Variants in GABRG3 observed in about 807,000 individuals in gnomAD.
GABRG3 encodes the protein gamma-aminobutyric acid receptor subunit gamma-3.
Under a neutral mutation model 48.8 loss-of-function variants are expected in GABRG3, and 25 were observed. That is an observed-to-expected ratio of 0.51 (90% CI 0.37 to 0.72). The LOEUF (loss-of-function observed/expected upper bound fraction) is 0.72. Among genes scored for constraint, GABRG3 ranks in the 30% least tolerant of loss-of-function variants. GABRG3 has a pLI of 0.00. For missense variants in GABRG3, 394 were observed against 577.9 expected, an observed-to-expected ratio of 0.68 and a Z score of 3.26; for synonymous variants, 227 against 217.6, an observed-to-expected ratio of 1.04 and a Z score of -0.38.
chr15:27,064,569 C>G (rs1250390754), intron 3 of GABRG3, among the ~76,000 whole-genome samples: 1 of 152,160 alleles, frequency 6.6e-6, no homozygotes, highest in African/African-American at 2.4e-5. Flanking sequence ...TTGCTGTCCT[C>G]TAGCCCCTGT....
chr15:27,115,694 A>T (rs185823226), intron 3 of GABRG3, among the ~76,000 whole-genome samples: 124 of 152,322 alleles, frequency 8.1e-4, no homozygotes, highest in African/African-American at 2.9e-3. Flanking sequence ...CATACCTTTG[A>T]ACTTCATATT....
At chr15:27,405,665 T>C (rs1887608458) in intron 5 of GABRG3, among the ~76,000 whole-genome samples, 2 of 151,134 alleles carry the variant, frequency 1.3e-5, no homozygotes, top group East Asian at 1.9e-4. Flanking sequence ...CGTTCATCTG[T>C]AGGTGAATTG....
intron 3 of GABRG3, among the ~76,000 whole-genome samples, chr15:27,312,208 A>T (rs1485958750): frequency 6.6e-6 from 1 of 152,148 alleles, no homozygotes; most frequent in Non-Finnish European, 1.5e-5. Flanking sequence ...GAAGCAGAAG[A>T]TAGAAACAGT....
intron 6 of GABRG3, among the ~76,000 whole-genome samples, chr15:27,489,509 CCTATTTCTCCACATCCT>C (rs1488676919): frequency 6.6e-6 from 1 of 152,172 alleles, no homozygotes; most frequent in African/African-American, 2.4e-5. Context: ...TAAAAGCTTT[CCTATTTCTCCACATCCT>C]CTCCAGCATC....
At chr15:27,168,494 C>T (rs373151010) in intron 3 of GABRG3, among the ~76,000 whole-genome samples, 1 of 152,108 alleles carries the variant, frequency 6.6e-6, no homozygotes, top group Non-Finnish European at 1.5e-5. Context: ...TTGTGACACC[C>T]CCCCACCCAA....
intron 3 of GABRG3, among the ~76,000 whole-genome samples, chr15:27,212,261 A>C (rs1353393471): frequency 6.6e-6 from 1 of 152,118 alleles, no homozygotes; most frequent in Non-Finnish European, 1.5e-5. Flanking sequence ...ACTGACAGGG[A>C]CTCAGGAATC....
intron 3 of GABRG3, among the ~76,000 whole-genome samples, chr15:27,120,639 G>A (rs930050630): frequency 1.3e-5 from 2 of 151,978 alleles, no homozygotes; most frequent in Admixed American, 6.6e-5. Context: ...GTCTATAGGC[G>A]CTCCTGGACT....
At chr15:27,387,507 T>C (rs528934974) in intron 5 of GABRG3, among the ~76,000 whole-genome samples, 2 of 152,282 alleles carry the variant, frequency 1.3e-5, no homozygotes, top group East Asian at 3.9e-4. Flanking sequence ...TATTCCATGT[T>C]CTAGTTCATT....
intron 5 of GABRG3, among the ~76,000 whole-genome samples, chr15:27,478,059 A>AAAAG (rs1001533877): frequency 2.6e-5 from 4 of 151,088 alleles, no homozygotes; most frequent in African/African-American, 4.9e-5. Flanking sequence ...AAAAAAAAAA[A>AAAAG]AAAGAAAGAA....
intron 5 of GABRG3, among the ~76,000 whole-genome samples, chr15:27,353,263 A>G (rs1172702588): frequency 9.2e-5 from 14 of 151,910 alleles, no homozygotes; most frequent in Non-Finnish European, 1.9e-4. Flanking sequence ...AAGGCTTCCC[A>G]GTACCTGCCT....
intron 6 of GABRG3, among the ~76,000 whole-genome samples, chr15:27,490,523 T>A (rs1890323802): frequency 6.6e-6 from 1 of 152,212 alleles, no homozygotes; most frequent in Non-Finnish European, 1.5e-5. Context: ...TTTCCTGAGA[T>A]AACGAAGCTT....
intron 5 of GABRG3, among the ~76,000 whole-genome samples, chr15:27,459,320 C>T (rs1889381531): frequency 6.6e-6 from 1 of 152,074 alleles, no homozygotes; most frequent in Admixed American, 6.5e-5. Flanking sequence ...AGCTGCATGC[C>T]TCAAGTGGCA....
intron 5 of GABRG3, among the ~76,000 whole-genome samples, chr15:27,343,543 C>T (rs915844612): frequency 2.0e-5 from 3 of 152,170 alleles, no homozygotes; most frequent in African/African-American, 7.2e-5. Flanking sequence ...CTGAATGCTT[C>T]GATCACAGTA....
At chr15:27,475,085 G>A (rs984609840) in intron 5 of GABRG3, among the ~76,000 whole-genome samples, 12 of 152,036 alleles carry the variant, frequency 7.9e-5, no homozygotes, top group South Asian at 2.1e-4. Flanking sequence ...AGCTGAGATC[G>A]CGCCAGTGCA....
chr15:27,448,978 T>C (rs1889027122), intron 5 of GABRG3, among the ~76,000 whole-genome samples: 1 of 152,214 alleles, frequency 6.6e-6, no homozygotes, highest in African/African-American at 2.4e-5. Flanking sequence ...TTCTTTACTA[T>C]CAGTCTTTTA....
intron 7 of GABRG3, among the ~76,000 whole-genome samples, chr15:27,522,957 A>G (rs1369458271): frequency 1.3e-5 from 2 of 151,916 alleles, no homozygotes; most frequent in Admixed American, 6.6e-5. Context: ...CAGTAAAGGA[A>G]TGGAGGATCT....
At chr15:27,246,987 A>C (rs1424220632) in intron 3 of GABRG3, among the ~76,000 whole-genome samples, 2 of 152,222 alleles carry the variant, frequency 1.3e-5, no homozygotes, top group African/African-American at 4.8e-5. Context: ...TTTTATAAAC[A>C]GGGTTCCTCT....
At chr15:27,048,855 A>G (rs1328788909) in intron 3 of GABRG3, among the ~76,000 whole-genome samples, 2 of 151,804 alleles carry the variant, frequency 1.3e-5, no homozygotes, top group Non-Finnish European at 2.9e-5. Context: ...CTCTGACTGT[A>G]TCTCCCTCTC....
At chr15:27,081,687 G>A (rs986122380) in intron 3 of GABRG3, among the ~76,000 whole-genome samples, 20 of 152,122 alleles carry the variant, frequency 1.3e-4, no homozygotes, top group Admixed American at 2.6e-4. Context: ...AGGCAGGACC[G>A]AGTCCCCTCC....
Sources: allele counts gnomAD v4.1 joint callset (sites outside exome capture counted in the v4.1 genomes callset), GRCh38; gene constraint gnomAD v4.1.1; transcripts MANE v1.5; gene names NCBI Gene and HGNC (gene_info 2026-07-23, HGNC 2026-07-21).